The following NEMF variants were observed in gnomAD, a reference collection of about 807,000 sequenced individuals.
NEMF encodes ribosome quality control complex subunit NEMF.
A neutral mutation model predicts 162.2 loss-of-function variants in NEMF; 89 were observed. That is an observed-to-expected ratio of 0.55 (90% CI 0.46 to 0.65). The LOEUF (loss-of-function observed/expected upper bound fraction) is 0.65, where lower values mean the gene tolerates loss of function less well. Ranked by LOEUF, NEMF falls within the 30% of genes least tolerant of loss-of-function variation. The pLI is 0.00. For synonymous variants in NEMF, 421 were observed against 404.5 expected (o/e 1.04, Z -0.49); for missense variants, 1,133 against 1,261.9 (o/e 0.90, Z 1.55).
intron 5 of NEMF, among the ~76,000 whole-genome samples, chr14:49,838,656 C>G (rs1893031425): frequency 6.7e-6 from 1 of 149,646 alleles, no homozygotes; most frequent in African/African-American, 2.5e-5. Context: ...ACGATCTCGG[C>G]TCGCTACAAG....
chr14:49,840,694 G>C (rs1023844733), intron 5 of NEMF, 24 bp downstream of exon 5: 3 of 1,597,878 alleles, frequency 1.9e-6, no homozygotes, highest in Non-Finnish European at 2.6e-6. Context: ...AATACGAAAT[G>C]GGTTTAAAAA....
Position 49,784,482 on chromosome 14 carries a change from A to G in NEMF, c.*154T>C. ...GTGTTTCCTCTATATAAAACTGGGA[A>G]AAAACAAGAAGTAAGTCCTTTTGGT... On this transcript the variant is annotated 3_prime_UTR_variant, in exon 33 of 33. Coordinates refer to ENST00000298310, the MANE Select transcript of NEMF (RefSeq NM_004713.6). 3.4e-6 allele frequency: 2 copies of G among 590,278 alleles called. No individual in the cohort carries two copies. The highest frequency in any genetic ancestry group is 2.4e-5 in the South Asian group (1 of 41,810). 36.6% of individuals were successfully genotyped at this position (590,278 alleles called of 1,614,324 possible). A position where few individuals can be genotyped will look rare whatever the true frequency, so the allele number is the denominator to read the frequency against.
At chr14:49,838,643 G>T (rs1213829584) in intron 5 of NEMF, among the ~76,000 whole-genome samples, 11 of 145,228 alleles carry the variant, frequency 7.6e-5, no homozygotes, top group Admixed American at 2.1e-4. Flanking sequence ...GCAGTACAGT[G>T]GCACGATCTC....
intron 3 of NEMF, among the ~76,000 whole-genome samples, chr14:49,849,439 G>T (rs1893667565): frequency 6.6e-6 from 1 of 152,180 alleles, no homozygotes; most frequent in African/African-American, 2.4e-5. Flanking sequence ...CCCCAAATGT[G>T]AATACTGGAA....
Position 49,799,648 on chromosome 14 carries a change from T to A in NEMF, c.2403A>T (p.Glu801Asp), listed in dbSNP as rs548744392. The part of the protein sequence containing the change: ...RSIQKLASKE[E>D]SSNSSDSKSQ... Reference sequence around the variant, plus strand: ...GAAAATAGCTTACAGAATTAGAAGATTCCTCTTTTGAAGCCAATTTCTGGA... The same window carrying A: ...GAAAATAGCTTACAGAATTAGAAGAATCCTCTTTTGAAGCCAATTTCTGGA... The change falls in exon 24 of 33, where the codon GAA becomes GAT. Residue 801 changes from glutamate to aspartate, a missense_variant. Physicochemically the swap from Glu to Asp is conservative, Grantham distance 45. Coordinates refer to ENST00000298310, the MANE Select transcript of NEMF (RefSeq NM_004713.6). 6.2e-6 allele frequency: 10 copies of A among 1,612,360 alleles called. No homozygotes were observed. The Admixed American group carries it at 1.2e-4, about 19-fold the overall frequency.
intron 21 of NEMF, 26 bp downstream of exon 21, chr14:49,802,639 CAAAT>C (rs1322912396): frequency 5.6e-6 from 9 of 1,610,660 alleles, no homozygotes; most frequent in African/African-American, 4.0e-5. Flanking sequence ...AGGAAAAAAA[CAAAT>C]AAATAACCAA....
intron 5 of NEMF, 152 bp downstream of exon 5, chr14:49,840,566 T>C: frequency 1.5e-6 from 1 of 656,168 alleles, no homozygotes; most frequent in Non-Finnish European, 2.5e-6. Context: ...TTGAGTTACG[T>C]TATCTAAGTA....
At chr14:49,785,033 T>G (rs764237528) in intron 31 of NEMF, 29 bp from the exon 32 acceptor site, 2 of 1,608,530 alleles carry the variant, frequency 1.2e-6, no homozygotes, top group Non-Finnish European at 1.7e-6. Context: ...GTAAGAATAA[T>G]CTACTGTTAA....
At chr14:49,800,307 A>G (rs1019706253) in intron 23 of NEMF, 113 bp downstream of exon 23, 16 of 833,070 alleles carry the variant, frequency 1.9e-5, no homozygotes, top group Non-Finnish European at 2.7e-5. Flanking sequence ...AAAAGTATTA[A>G]GACAATGGAG....
rs761461695 is a variant in NEMF, at chr14:49,851,785, T to C, written c.128+22A>G. The C allele has an allele frequency of 7.4e-6, 11 of 1,485,064 alleles. No homozygotes were observed. The African/African-American group carries it at 8.4e-5, about 11-fold the overall frequency. The allele number at this position is 1,485,064 out of a possible 1,614,324, so 92.0% of individuals were successfully genotyped here. ...TCATACTTAATTGTCAAAGAGAAAA[T>C]AAGCCTATAAAATGTTCTTACTTTT... On this transcript the variant is annotated intron_variant, in intron 2 of 32. Coordinates refer to ENST00000298310, the MANE Select transcript of NEMF (RefSeq NM_004713.6).
chr14:49,833,972 A>G lies in NEMF; in HGVS notation c.661+391T>C, dbSNP rs1342926211. The G allele has an allele frequency of 3.7e-5, 11 of 298,330 alleles. No homozygotes were observed. In the East Asian group the frequency reaches 8.7e-4, roughly 24 times the overall value. The allele number at this position is 298,330 out of a possible 1,614,324, so 18.5% of individuals were successfully genotyped here. A position where few individuals can be genotyped will look rare whatever the true frequency, so the allele number is the denominator to read the frequency against. ...TCATTTTATAAAAACAAACAAAAAC[A>G]AAACACCACCACCAGCACCTGTTGT... On this transcript the variant is annotated intron_variant, in intron 7 of 32. Transcript: ENST00000298310.
rs190196510 is a variant in NEMF at position 49,832,576 on chromosome 14, G to A, written c.736-299C>T. The stretch of plus-strand genomic sequence containing the variant: ...TCGAACTCTTGGTCTCAAGTGATCC[G>A]CCCACCTTGGCCTCCAAAAGTGCTG... On this transcript the variant is annotated intron_variant, in intron 8 of 32. Transcript: ENST00000298310. 5.5e-4 allele frequency among the ~76,000 whole-genome samples: 84 copies of A among 152,126 alleles called. 1 individual carries two copies. The East Asian group carries it at 0.013, about 23-fold the overall frequency.
At chr14:49,835,835 T>C (rs367924084) in intron 6 of NEMF, among the ~76,000 whole-genome samples, 4 of 152,198 alleles carry the variant, frequency 2.6e-5, no homozygotes, top group East Asian at 1.9e-4. Context: ...AAAACCAATA[T>C]ATAGAAATCA....
At position 49,813,453 on chromosome 14, in the gene NEMF, G is replaced by T. The variant is rs137876608; in HGVS notation, c.1744+535C>A. On this transcript the variant is annotated intron_variant, in intron 18 of 32. Transcript: ENST00000298310. The stretch of plus-strand genomic sequence containing the variant: ...TGTTGTTCAAGTCTTCCATTTCCTT[G>T]CTGATTCTGTGTCCAGTTATTCTAT... Among the ~76,000 whole-genome samples the T allele has an allele frequency of 3.4e-3, 523 of 152,234 alleles. 3 individuals carry two copies. Among genetic ancestry groups the T allele is most frequent in the African/African-American group, 0.012 (500 of 41,512 alleles).
At chr14:49,829,684 C>A (rs1325074581) in intron 11 of NEMF, among the ~76,000 whole-genome samples, 1 of 152,192 alleles carries the variant, frequency 6.6e-6, no homozygotes, top group African/African-American at 2.4e-5. Flanking sequence ...ATAAGATATA[C>A]CCCTAATACC....
intron 16 of NEMF, among the ~76,000 whole-genome samples, chr14:49,821,101 T>C (rs1196701302): frequency 1.7e-4 from 2 of 11,548 alleles, no homozygotes; most frequent in African/African-American, 1.9e-4. Context: ...GTGAGGAGCG[T>C]CTCTGCCCGG....
At chr14:49,840,095 G>T (rs191935053) in intron 5 of NEMF, among the ~76,000 whole-genome samples, 6 of 152,246 alleles carry the variant, frequency 3.9e-5, no homozygotes, top group Admixed American at 1.3e-4. Context: ...AGGAGTTCAA[G>T]ACTGCAGTGA....
intron 26 of NEMF, among the ~76,000 whole-genome samples, chr14:49,793,500 C>G (rs1358246005): frequency 6.6e-6 from 1 of 152,146 alleles, no homozygotes; most frequent in African/African-American, 2.4e-5. Context: ...TAGTTTTCCA[C>G]AGGAAGACTC....
chr14:49,796,003 A>C, intron 25 of NEMF, 59 bp from the exon 26 acceptor site: 1 of 1,409,072 alleles, frequency 7.1e-7, no homozygotes, highest in East Asian at 2.3e-5. Flanking sequence ...TTAGTGCCCT[A>C]AAAAAGTTCC....
Sources: gnomAD v4.1 joint callset for allele counts (sites outside exome capture counted in the v4.1 genomes callset) on GRCh38, gnomAD v4.1.1 for gene constraint, MANE v1.5 for transcripts, NCBI Gene and HGNC (gene_info 2026-07-23, HGNC 2026-07-21) for gene names.